The following MAPK3 variants were observed in gnomAD, a reference collection of about 807,000 sequenced individuals.
The protein encoded by MAPK3 is MAPK 1.
MAPK3 carries 30 observed loss-of-function variants against 41.8 expected under a neutral mutation model. The ratio of observed to expected loss-of-function variants is 0.72; its 90% CI spans 0.54 to 0.97. The LOEUF (loss-of-function observed/expected upper bound fraction) is 0.97. Ranked by LOEUF, MAPK3 falls within the 50% of genes least tolerant of loss-of-function variation. MAPK3 has a pLI of 0.00. For synonymous variants in MAPK3, 222 were observed against 213.4 expected, an observed-to-expected ratio of 1.04 and a Z score of -0.35; for missense variants, 413 against 509.9, an observed-to-expected ratio of 0.81 and a Z score of 1.83.
intron 2 of MAPK3, 21 bp from the exon 3 acceptor site, chr16:30,118,559 C>G (rs748988935): frequency 1.3e-6 from 2 of 1,598,146 alleles, no homozygotes; most frequent in East Asian, 2.3e-5. Context: ...TTCCGCAGAC[C>G]CCCCCAGGCA....
At chr16:30,118,252 C>T in intron 3 of MAPK3, 89 bp from the exon 4 acceptor site, 1 of 1,571,218 alleles carries the variant, frequency 6.4e-7, no homozygotes, top group Non-Finnish European at 8.7e-7. Flanking sequence ...CCACTGTTCC[C>T]TTTGCTTGCA....
At position 30,122,213 on chromosome 16, in the gene MAPK3, TACAA is replaced by T. The variant is rs558681944; in HGVS notation, c.171-211_171-208del. The T allele has an allele frequency of 2.8e-4, 167 of 604,800 alleles. 2 individuals are homozygous for T. In the South Asian group the frequency reaches 3.1e-3, roughly 11 times the overall value. The allele number at this position is 604,800 out of a possible 1,614,324, so 37.5% of individuals were successfully genotyped here. On this transcript the variant is annotated intron_variant, in intron 1 of 8. Coordinates refer to ENST00000263025, the MANE Select transcript of MAPK3 (RefSeq NM_002746.3). Reference sequence around the variant, plus strand: ...CAGCCAGGCGGCCCTTCGGTGACTTTACAAACAGAGGAAGAGACTGACCGCTCAC... The same window carrying T: ...CAGCCAGGCGGCCCTTCGGTGACTTTACAGAGGAAGAGACTGACCGCTCAC...
In MAPK3 at chr16:30,116,657, G is replaced by A. The variant is rs1234900961; in HGVS notation, c.*11C>T. On this transcript the variant is annotated 3_prime_UTR_variant, in exon 8 of 9. Coordinates refer to ENST00000263025, the MANE Select transcript of MAPK3 (RefSeq NM_002746.3). ...TCACCAGGCCCCAGGGTGCAGAGAT[G>A]TCTGTCTGGGCTAGGGGGCCTCCAG... The A allele has an allele frequency of 6.8e-6, 11 of 1,612,662 alleles. No homozygotes were observed. In the Admixed American group the frequency reaches 1.0e-4, roughly 15 times the overall value.
In MAPK3 at chr16:30,116,797, T is replaced by A. The variant is rs778554116; in HGVS notation, c.1018-7A>T. 1 of 1,611,626 alleles carries A rather than the reference T, an allele frequency of 6.2e-7. No individual in the cohort carries two copies. Among genetic ancestry groups the A allele is most frequent in the South Asian group, 1.1e-5 (1 of 91,046 alleles). ...AGGGCTCCTCGGCCACTGGCTGGGGTGGTAGAGACAGCAAGGCTCAGGCCT... is the reference window on the plus strand; with the variant it reads ...AGGGCTCCTCGGCCACTGGCTGGGGAGGTAGAGACAGCAAGGCTCAGGCCT... On this transcript the variant is annotated splice_region_variant and splice_polypyrimidine_tract_variant and intron_variant, in intron 7 of 8. Coordinates refer to ENST00000263025, the MANE Select transcript of MAPK3 (RefSeq NM_002746.3).
chr16:30,118,708 C>A (rs61764213), intron 2 of MAPK3, among the ~76,000 whole-genome samples, 170 bp from the exon 3 acceptor site: 18 of 152,112 alleles, frequency 1.2e-4, no homozygotes, highest in Non-Finnish European at 2.4e-4. Flanking sequence ...CATTACCCAG[C>A]GGCAGGGCTC....
At position 30,119,716 on chromosome 16, in the gene MAPK3, C is replaced by G. The variant is rs370225106; in HGVS notation, c.354-1178G>C. 1.6e-4 allele frequency among the ~76,000 whole-genome samples: 24 copies of G among 152,296 alleles called. No homozygotes were observed. In the East Asian group the frequency reaches 4.4e-3, roughly 28 times the overall value. ...AGGAGACACTCCCAACAGCACACTC[C>G]CACTCAAAGGAGAGTGCTTGGCCAT... On this transcript the variant is annotated intron_variant, in intron 2 of 8. Coordinates refer to ENST00000263025, the MANE Select transcript of MAPK3 (RefSeq NM_002746.3).
At chr16:30,118,258 T>C (rs2072979891) in intron 3 of MAPK3, 91 bp downstream of exon 3, 1 of 1,570,554 alleles carries the variant, frequency 6.4e-7, no homozygotes, top group Admixed American at 1.7e-5. Flanking sequence ...TTCCCTTTGC[T>C]TGCAATGTTC....
intron 2 of MAPK3, among the ~76,000 whole-genome samples, chr16:30,119,206 A>G (rs886238459): frequency 5.9e-5 from 9 of 151,510 alleles, no homozygotes; most frequent in Admixed American, 5.3e-4. Flanking sequence ...GAGTTAACCC[A>G]TGGATGTCTG....
intron 2 of MAPK3, among the ~76,000 whole-genome samples, chr16:30,119,125 G>A (rs745380680): frequency 6.7e-6 from 1 of 149,532 alleles, no homozygotes; most frequent in Non-Finnish European, 1.5e-5. Context: ...CCGGATGACA[G>A]AGTGAGACTC....
chr16:30,116,563 G>GAT (rs2072955426), intron 8 of MAPK3, 73 bp downstream of exon 8: 1 of 1,440,110 alleles, frequency 6.9e-7, no homozygotes, highest in Non-Finnish European at 9.4e-7. Context: ...TGTACAGATA[G>GAT]ATATAGATAT....
chr16:30,121,788 G>A (rs1164104911), intron 2 of MAPK3, 36 bp downstream of exon 2: 5 of 1,599,818 alleles, frequency 3.1e-6, no homozygotes, highest in African/African-American at 1.3e-5. Flanking sequence ...CTGCGAGGCC[G>A]TGCCTGACCA....
chr16:30,122,446 C>G (rs1291014476), intron 1 of MAPK3: 1 of 242,526 alleles, frequency 4.1e-6, no homozygotes, highest in African/African-American at 2.2e-5. Flanking sequence ...GGTGAGGGAT[C>G]CGGGCAGCGG....
intron 1 of MAPK3, 106 bp downstream of exon 1, chr16:30,122,934 G>A (rs903648704): frequency 1.9e-6 from 2 of 1,062,280 alleles, no homozygotes; most frequent in South Asian, 2.0e-5. Flanking sequence ...TGCCTCCTCG[G>A]GACGCTCCGC....
At chr16:30,119,570 T>G (rs1247946641) in intron 2 of MAPK3, among the ~76,000 whole-genome samples, 1 of 152,204 alleles carries the variant, frequency 6.6e-6, no homozygotes, top group Non-Finnish European at 1.5e-5. Flanking sequence ...TATGAATGCC[T>G]GAGTCACATG....
chr16:30,118,399 G>T lies in MAPK3; in HGVS notation c.493C>A (p.Arg165=). 5 of 1,613,952 alleles carry T rather than the reference G, an allele frequency of 3.1e-6. No individual in the cohort carries two copies. The highest frequency in any genetic ancestry group is 4.2e-6 in the Non-Finnish European group (5 of 1,179,916). Residue 165 remains arginine, a synonymous_variant, in exon 3 of 9, where the codon CGA becomes AGA. Coordinates refer to ENST00000263025, the MANE Select transcript of MAPK3 (RefSeq NM_002746.3). ...KYIHSANVLH[R]DLKPSNLLIN... is the part of the protein sequence containing the mutation. ...AGCAGGTTGGAGGGCTTTAGATCTC[G>T]GTGGAGCACGTTGGCGGAGTGGATG...
chr16:30,117,525 A>G, intron 5 of MAPK3, 145 bp downstream of exon 5: 2 of 742,760 alleles, frequency 2.7e-6, no homozygotes, highest in East Asian at 2.6e-5. Flanking sequence ...CATCTATCCA[A>G]TGGGGATAAT....
At position 30,116,763 on chromosome 16, in the gene MAPK3, C is replaced by T. The variant is rs759750021; in HGVS notation, c.1045G>A (p.Ala349Thr). 2 of 1,613,812 alleles carry T rather than the reference C, an allele frequency of 1.2e-6. No homozygotes were observed. Among genetic ancestry groups the T allele is most frequent in the Middle Eastern group, 1.6e-4 (1 of 6,062 alleles). Residue 349 changes from alanine (A) to threonine (T), a missense_variant, in exon 8 of 9, where the codon GCC becomes ACC. Ala to Thr is a moderately conservative substitution (Grantham distance 58). Around this residue, in one of 4 missense-constraint regions of MAPK3, gnomAD observed 123 missense variants for 147.8 expected, o/e 0.83. Coordinates refer to ENST00000263025, the MANE Select transcript of MAPK3 (RefSeq NM_002746.3). ...TTAGGTAGGTCATCCAGCTCCATGG[C>T]GAAGGTGAAGGGCTCCTCGGCCACT... is the stretch of plus-strand genomic sequence containing the variant. Reference protein sequence around the residue: ...EPVAEEPFTFAMELDDLPKER... With the variant: ...EPVAEEPFTFTMELDDLPKER...
rs2072961975 is a variant in MAPK3, at chr16:30,116,917, G to C, written c.994C>G (p.Gln332Glu). The change falls in exon 7 of 9, where the codon CAG (glutamine) becomes GAG (glutamate). Residue 332 changes from glutamine (Q) to glutamate (E), a missense_variant. Transcript: ENST00000263025. ...EEALAHPYLEQYYDPTDEPVA... is the reference protein window; with the variant it reads ...EEALAHPYLEEYYDPTDEPVA... ...ACCTCATCCGTCGGGTCATAGTACT[G>C]CTCCAGGTAGGGGTGAGCCAGCGCT... The C allele has an allele frequency of 1.2e-6, 2 of 1,613,950 alleles. No homozygotes were observed. The highest frequency in any genetic ancestry group is 1.7e-6 in the Non-Finnish European group (2 of 1,179,942).
At chr16:30,115,468 C>G (rs2072946532) in intron 8 of MAPK3, 1 of 153,144 alleles carries the variant, frequency 6.5e-6, no homozygotes, top group Non-Finnish European at 1.5e-5. Flanking sequence ...AACTGCTGAT[C>G]TGGCAGCAGG....
Sources: gnomAD v4.1 joint callset for allele counts (sites outside exome capture counted in the v4.1 genomes callset) on GRCh38, gnomAD v4.1.1 for gene constraint, gnomAD v4.1.1 regional missense constraint, MANE v1.5 for transcripts, NCBI Gene and HGNC (gene_info 2026-07-23, HGNC 2026-07-21) for gene names.